WSCD2: variants seen among roughly 807,000 people sequenced by gnomAD.
WSCD2 encodes sialate:O-sulfotransferase 2.
A neutral mutation model predicts 55.7 loss-of-function variants in WSCD2; 28 were observed. That is an observed-to-expected ratio of 0.50 (90% CI 0.37 to 0.69). The LOEUF (loss-of-function observed/expected upper bound fraction) is 0.69. WSCD2 is among the 30% of genes least tolerant of loss of function. The pLI, the probability that WSCD2 is intolerant of heterozygous loss-of-function variation, is 0.00. For synonymous variants in WSCD2, 301 were observed against 301.9 expected (o/e 1.00, Z 0.03); for missense variants, 616 against 762.1 (o/e 0.81, Z 2.26).
chr12:108,134,711 T>C (rs1461357992), intron 1 of WSCD2, among the ~76,000 whole-genome samples: 2 of 152,214 alleles, frequency 1.3e-5, no homozygotes, highest in Non-Finnish European at 2.9e-5. Context: ...ACACCTGTAC[T>C]TTTCACTGTT....
intron 6 of WSCD2, among the ~76,000 whole-genome samples, chr12:108,229,407 C>T (rs192603590): frequency 1.3e-5 from 2 of 152,354 alleles, no homozygotes; most frequent in African/African-American, 4.8e-5. Flanking sequence ...CAAAGTCAAA[C>T]AGCTCTGACA....
intron 1 of WSCD2, among the ~76,000 whole-genome samples, chr12:108,131,537 C>T (rs1332711870): frequency 6.6e-6 from 1 of 152,168 alleles, no homozygotes; most frequent in Non-Finnish European, 1.5e-5. Context: ...TGAGATGGTG[C>T]CTGGAGGGTG....
rs1041309017 is a variant in WSCD2, at chr12:108,210,530, C to T, written c.682+225C>T. ...CTTTTCTCTCCCTCCCACTGAGCTG[C>T]GTCTGGTTCCAGCTGTATCCCTCAT... is the stretch of plus-strand genomic sequence containing the variant. On this transcript the variant is annotated intron_variant, in intron 4 of 8. Transcript: ENST00000547525. The surrounding 1 kb of genome is among the most constrained non-coding windows in gnomAD (Gnocchi z 4.3). 6.6e-6 allele frequency among the ~76,000 whole-genome samples: 1 copy of T among 152,208 alleles called. No homozygotes were observed. Among genetic ancestry groups the T allele is most frequent in the Non-Finnish European group, 1.5e-5 (1 of 68,030 alleles).
intron 8 of WSCD2, among the ~76,000 whole-genome samples, chr12:108,246,003 A>G (rs1007007034): frequency 1.3e-5 from 2 of 152,208 alleles, no homozygotes; most frequent in African/African-American, 4.8e-5. Flanking sequence ...GCAGTTGCAA[A>G]TTTCAATTTA....
intron 4 of WSCD2, among the ~76,000 whole-genome samples, chr12:108,217,891 C>T (rs950725684): frequency 2.0e-5 from 3 of 152,118 alleles, no homozygotes; most frequent in Non-Finnish European, 4.4e-5. Context: ...GTCAGGGACT[C>T]ATTAGCAGGT....
intron 1 of WSCD2, among the ~76,000 whole-genome samples, chr12:108,152,947 T>TA (rs1445163841): frequency 6.6e-6 from 1 of 151,934 alleles, no homozygotes; most frequent in Non-Finnish European, 1.5e-5. Context: ...TACTAAAAAA[T>TA]ACAAAAATTA....
chr12:108,226,187 C>A (rs1200850555), intron 5 of WSCD2, among the ~76,000 whole-genome samples: 2 of 152,120 alleles, frequency 1.3e-5, no homozygotes, highest in Non-Finnish European at 1.5e-5. Flanking sequence ...CCAGATTAGT[C>A]TTGGACTGGC....
intron 3 of WSCD2, among the ~76,000 whole-genome samples, 193 bp downstream of exon 3, chr12:108,206,596 A>G (rs955767340): frequency 6.6e-6 from 1 of 152,256 alleles, no homozygotes; most frequent in African/African-American, 2.4e-5. Flanking sequence ...GGACTGCTCA[A>G]GAGTTGGTCT....
chr12:108,201,660 A>C (rs1254235277), intron 2 of WSCD2, among the ~76,000 whole-genome samples: 1 of 152,162 alleles, frequency 6.6e-6, no homozygotes, highest in Non-Finnish European at 1.5e-5. Context: ...ATTTGAACCC[A>C]GATCTGGTTA....
At chr12:108,218,153 GCCC>G (rs1165684426) in intron 4 of WSCD2, among the ~76,000 whole-genome samples, 1 of 152,186 alleles carries the variant, frequency 6.6e-6, no homozygotes, top group Non-Finnish European at 1.5e-5. Context: ...CAATATTTAT[GCCC>G]CCATTTTAGA....
intron 1 of WSCD2, among the ~76,000 whole-genome samples, chr12:108,151,449 T>A (rs1877992748): frequency 6.6e-6 from 1 of 152,080 alleles, no homozygotes; most frequent in Non-Finnish European, 1.5e-5. Context: ...GCAAATGACC[T>A]CCTCCCCAGG....
chr12:108,171,649 C>G (rs1160074851), intron 1 of WSCD2: 1 of 152,142 alleles, frequency 6.6e-6, no homozygotes, highest in Non-Finnish European at 1.5e-5. Context: ...ATATGTGGCT[C>G]ATATTGTATT....
intron 4 of WSCD2, among the ~76,000 whole-genome samples, chr12:108,213,256 G>C (rs773812944): frequency 1.7e-4 from 26 of 152,176 alleles, no homozygotes; most frequent in Non-Finnish European, 3.5e-4. Context: ...ATTTTGTGCA[G>C]ACCCAATACA....
chr12:108,142,714 G>T (rs1157714459), intron 1 of WSCD2, among the ~76,000 whole-genome samples: 1 of 152,178 alleles, frequency 6.6e-6, no homozygotes, highest in African/African-American at 2.4e-5. Flanking sequence ...CCTAGCTTCA[G>T]GCTTGGCTGG....
At chr12:108,232,517 A>G (rs905036189) in intron 6 of WSCD2, among the ~76,000 whole-genome samples, 3 of 151,614 alleles carry the variant, frequency 2.0e-5, no homozygotes, top group African/African-American at 4.8e-5. Flanking sequence ...CCCATTTAAC[A>G]CTCACCTCAA....
chr12:108,225,138 T>A (rs1233183866), intron 5 of WSCD2, among the ~76,000 whole-genome samples: 1 of 152,184 alleles, frequency 6.6e-6, no homozygotes, highest in Non-Finnish European at 1.5e-5. Context: ...GATACTGCTA[T>A]GAAGAAATAT....
At chr12:108,141,014 G>A (rs989950891) in intron 1 of WSCD2, among the ~76,000 whole-genome samples, 3 of 152,204 alleles carry the variant, frequency 2.0e-5, no homozygotes, top group South Asian at 2.1e-4. Context: ...AGTGGCTTGA[G>A]CAAGACAATC....
At chr12:108,221,695 A>AGC (rs1565979884) in intron 4 of WSCD2, among the ~76,000 whole-genome samples, 3 of 151,654 alleles carry the variant, frequency 2.0e-5, no homozygotes, top group Non-Finnish European at 4.4e-5. Context: ...CTGGCCCCAA[A>AGC]CTTTCAAGTG....
chr12:108,207,892 T>A (rs7957355), intron 3 of WSCD2, among the ~76,000 whole-genome samples: 9,360 of 152,060 alleles, frequency 0.062, 426 homozygotes, highest in African/African-American at 0.12. Flanking sequence ...CTGGCCTTAA[T>A]GAGCTCACAG....
Sources: gnomAD v4.1 joint callset for allele counts (sites outside exome capture counted in the v4.1 genomes callset) on GRCh38, gnomAD v4.1.1 for gene constraint, Gnocchi (gnomAD v3.1) non-coding constraint, MANE v1.5 for transcripts, NCBI Gene and HGNC (gene_info 2026-07-23, HGNC 2026-07-21) for gene names.